PDCD11: variants seen among roughly 807,000 people sequenced by gnomAD.
PDCD11 encodes the protein protein RRP5 homolog.
A neutral mutation model predicts 198.9 loss-of-function variants in PDCD11; 97 were observed. That is an observed-to-expected ratio of 0.49 (90% CI 0.41 to 0.58). The LOEUF is 0.58. Among genes scored for constraint, PDCD11 ranks in the 20% least tolerant of loss-of-function variants. The probability of loss-of-function intolerance (pLI) is 0.00; values close to 1 mark genes in which losing one functional copy is unlikely to be tolerated. For synonymous variants in PDCD11, 893 were observed against 918.0 expected, an observed-to-expected ratio of 0.97 and a Z score of 0.49; for missense variants, 2,102 against 2,312.7, an observed-to-expected ratio of 0.91 and a Z score of 1.87.
At chr10:103,445,293 G>T in intron 35 of PDCD11, 85 bp from the exon 36 acceptor site, 1 of 1,301,082 alleles carries the variant, frequency 7.7e-7, no homozygotes, top group Non-Finnish European at 1.1e-6. Context: ...CTGGTTCCAG[G>T]GCTGAGAGCA....
chr10:103,418,554 G>A lies in PDCD11; in HGVS notation c.2026G>A (p.Gly676Ser). Residue 676 changes from glycine to serine, a missense_variant, in exon 15 of 36, where the codon GGC (glycine) becomes AGC (serine). Physicochemically the swap from Gly to Ser is moderately conservative, Grantham distance 56. Transcript: ENST00000369797. ...TCATCTGTCGGACCACGTTGCCAACGGCCCATTGTTACATCATTGGCTCCA... is the reference window on the plus strand; with the variant it reads ...TCATCTGTCGGACCACGTTGCCAACAGCCCATTGTTACATCATTGGCTCCA... ...TSHLSDHVAN[G>S]PLLHHWLQAG... 1 of 1,614,110 alleles carries A rather than the reference G, an allele frequency of 6.2e-7. No homozygotes were observed. Among genetic ancestry groups the A allele is most frequent in the Non-Finnish European group, 8.5e-7 (1 of 1,180,018 alleles).
intron 1 of PDCD11, among the ~76,000 whole-genome samples, chr10:103,398,191 T>C (rs1024152123): frequency 2.6e-5 from 4 of 152,240 alleles, no homozygotes; most frequent in Non-Finnish European, 4.4e-5. Flanking sequence ...AATCTATAAC[T>C]TCTTTTTCTG....
Position 103,403,280 on chromosome 10 carries a change from C to T in PDCD11, c.397C>T (p.Leu133=), listed in dbSNP as rs779586766. The change falls in exon 4 of 36, where the codon CTG becomes TTG. Residue 133 remains leucine, a synonymous_variant. Coordinates refer to ENST00000369797, the MANE Select transcript of PDCD11 (RefSeq NM_014976.2). ...TGAGCAGGTGACACAAGAACAACCT[C>T]TGAAGGTAAGGGAAATCCGAATGAA... The part of the protein sequence containing the change: ...LNEQVTQEQP[L]KDLLHLPELF... 1.2e-6 allele frequency: 2 copies of T among 1,612,630 alleles called. No homozygotes were observed. Among genetic ancestry groups the T allele is most frequent in the South Asian group, 1.1e-5 (1 of 90,746 alleles).
chr10:103,427,395 A>AC lies in PDCD11; in HGVS notation c.3368+4_3368+5insC. 3 of 1,609,520 alleles carry AC rather than the reference A, an allele frequency of 1.9e-6. 1 individual carries two copies. On this transcript the variant is annotated splice_donor_region_variant and intron_variant, in intron 21 of 35. Coordinates refer to ENST00000369797, the MANE Select transcript of PDCD11 (RefSeq NM_014976.2). ...CGGAGCTGAGTGTTCGGCCAAGGTG[A>AC]GGGGGACATTAGCAGCACTGTCTTA...
At chr10:103,445,256 A>C in intron 35 of PDCD11, 122 bp from the exon 36 acceptor site, 1 of 814,152 alleles carries the variant, frequency 1.2e-6, no homozygotes, top group Non-Finnish European at 2.1e-6. Context: ...TAATGGTAGA[A>C]GTGGGAGTCC....
At chr10:103,409,909 G>A in intron 8 of PDCD11, 103 bp downstream of exon 8, 2 of 799,800 alleles carry the variant, frequency 2.5e-6, no homozygotes, top group South Asian at 2.8e-5. Context: ...CATGCATACA[G>A]GTGTGCAGAG....
intron 6 of PDCD11, 79 bp downstream of exon 6, chr10:103,406,187 G>A: frequency 4.6e-6 from 7 of 1,517,744 alleles, no homozygotes; most frequent in Non-Finnish European, 6.3e-6. Flanking sequence ...ATTTTGATGA[G>A]TAACATGACA....
intron 1 of PDCD11, 134 bp from the exon 2 acceptor site, chr10:103,398,282 A>G: frequency 1.6e-6 from 1 of 623,082 alleles, no homozygotes; most frequent in Non-Finnish European, 2.9e-6. Context: ...CCTGACATCT[A>G]AACCATCTAT....
chr10:103,436,050 T>TA (rs1384106895), intron 25 of PDCD11, among the ~76,000 whole-genome samples: 1 of 150,386 alleles, frequency 6.6e-6, no homozygotes, highest in African/African-American at 2.5e-5. Context: ...TTTTTTGAGA[T>TA]AGAGTCTCGC....
chr10:103,441,879 C>T lies in PDCD11; in HGVS notation c.4611C>T (p.Phe1537=), dbSNP rs780402155. ...CCCGGCTGCAGCTGTCTTCAGGCTT[C>T]GCTTGGAATGTGGGACTAGACTCTC... The part of the protein sequence containing the change: ...EAPRLQLSSG[F]AWNVGLDSLT... Residue 1537 remains phenylalanine, a synonymous_variant, in exon 31 of 36, where the codon TTC becomes TTT. Coordinates refer to ENST00000369797, the MANE Select transcript of PDCD11 (RefSeq NM_014976.2). 2.4e-5 allele frequency: 38 copies of T among 1,614,064 alleles called. No homozygotes were observed. Among genetic ancestry groups the T allele is most frequent in the Non-Finnish European group, 3.1e-5 (36 of 1,180,024 alleles).
At chr10:103,438,395 G>T (rs1323293229) in intron 26 of PDCD11, among the ~76,000 whole-genome samples, 4 of 152,148 alleles carry the variant, frequency 2.6e-5, no homozygotes, top group Non-Finnish European at 5.9e-5. Flanking sequence ...GAGTTGGCTT[G>T]AGGTCAGCTT....
Position 103,414,003 on chromosome 10 carries a change from C to T in PDCD11, c.1223C>T (p.Pro408Leu), listed in dbSNP as rs1250743207. ...TCTGATTCTAAGAACGTCTTCAATC[C>T]TGAGGCCTTCAAGCCAGGGAACACT... ...HLSDSKNVFN[P>L]EAFKPGNTHK... The change falls in exon 10 of 36, where the codon CCT (proline) becomes CTT (leucine). Residue 408 changes from proline (P) to leucine (L), a missense_variant. Transcript: ENST00000369797. 1 of 1,613,394 alleles carries T rather than the reference C, an allele frequency of 6.2e-7. No individual in the cohort carries two copies. The highest frequency in any genetic ancestry group is 8.5e-7 in the Non-Finnish European group (1 of 1,179,766).
chr10:103,434,564 C>T (rs2032071039), intron 24 of PDCD11: 1 of 593,702 alleles, frequency 1.7e-6, no homozygotes, highest in Non-Finnish European at 3.0e-6. Flanking sequence ...TACAGGTTAC[C>T]CTTACCTACA....
In PDCD11 at chr10:103,444,162, C is replaced by T. The variant is rs1338994076; in HGVS notation, c.5278+94C>T. ...CATTGCTTCTTCTAAGTCAGGAGAG[C>T]CTTGTGAGGGCTTTCCTCTTGCTGC... On this transcript the variant is annotated intron_variant, in intron 34 of 35. Coordinates refer to ENST00000369797, the MANE Select transcript of PDCD11 (RefSeq NM_014976.2). 6 of 1,084,598 alleles carry T rather than the reference C, an allele frequency of 5.5e-6. No individual in the cohort carries two copies. In the East Asian group the frequency reaches 1.3e-4, roughly 23 times the overall value. 67.2% of individuals were successfully genotyped at this position (1,084,598 alleles called of 1,614,324 possible).
chr10:103,414,148 T>C (rs2030968523), intron 10 of PDCD11, 58 bp downstream of exon 10: 2 of 1,586,580 alleles, frequency 1.3e-6, no homozygotes, highest in Non-Finnish European at 1.7e-6. Flanking sequence ...ATGTTCATAT[T>C]CCATTTCTCC....
rs772536819 is a variant in PDCD11 at position 103,438,745 on chromosome 10, T to G, written c.3962T>G (p.Ile1321Ser). 1 of 1,614,092 alleles carries G rather than the reference T, an allele frequency of 6.2e-7. No individual in the cohort carries two copies. The highest frequency in any genetic ancestry group is 2.2e-5 in the East Asian group (1 of 44,870). ...CCAGAGATTAACTCCATCCAGGACA[T>G]TAAGGAAGGGCAGCTTCTGAGGGGC... Reference protein sequence around the residue: ...EDPEINSIQDIKEGQLLRGYV... With the variant: ...EDPEINSIQDSKEGQLLRGYV... The change falls in exon 27 of 36, where the codon ATT becomes AGT. Residue 1321 changes from isoleucine to serine, a missense_variant. Transcript: ENST00000369797.
At chr10:103,417,178 C>T (rs187533892) in intron 13 of PDCD11, among the ~76,000 whole-genome samples, 194 of 151,826 alleles carry the variant, frequency 1.3e-3, no homozygotes, top group African/African-American at 4.4e-3. Flanking sequence ...TTTTTCTTTT[C>T]CTTTTTTTTT....
At chr10:103,401,100 T>C (rs2133670745) in intron 3 of PDCD11, among the ~76,000 whole-genome samples, 1 of 152,226 alleles carries the variant, frequency 6.6e-6, no homozygotes, top group African/African-American at 2.4e-5. Flanking sequence ...GTTTGTGTCC[T>C]CACAGGACTT....
chr10:103,423,523 A>G lies in PDCD11; in HGVS notation c.2648-20A>G. 1 of 1,529,446 alleles carries G rather than the reference A, an allele frequency of 6.5e-7. No homozygotes were observed. Among genetic ancestry groups the G allele is most frequent in the East Asian group, 2.2e-5 (1 of 44,486 alleles). 94.7% of individuals were successfully genotyped at this position (1,529,446 alleles called of 1,614,324 possible). ...CACTCTGTTCCAGAAGGATAATCAC[A>G]CTGTGGTTCTGCACTGCAGGGCAGG... On this transcript the variant is annotated intron_variant, in intron 18 of 35. Coordinates refer to ENST00000369797, the MANE Select transcript of PDCD11 (RefSeq NM_014976.2).
Sources: allele counts gnomAD v4.1 joint callset (sites outside exome capture counted in the v4.1 genomes callset), GRCh38; gene constraint gnomAD v4.1.1; transcripts MANE v1.5; gene names NCBI Gene and HGNC (gene_info 2026-07-23, HGNC 2026-07-21).